The following YME1L1 variants were observed in gnomAD, a reference collection of about 807,000 sequenced individuals.
YME1L1 encodes YME1 like 1 ATPase, also known as ATP-dependent zinc metalloprotease YME1L1.
Under a neutral mutation model 90.4 loss-of-function variants are expected in YME1L1, and 39 were observed. The ratio of observed to expected loss-of-function variants is 0.43; its 90% confidence interval spans 0.33 to 0.56. The LOEUF is 0.56. Ranked by LOEUF, YME1L1 falls within the 20% of genes least tolerant of loss-of-function variation. The pLI is 0.03. For synonymous variants in YME1L1, 284 were observed against 287.3 expected (o/e 0.99, Z 0.12); for missense variants, 617 against 868.4 (o/e 0.71, Z 3.64).
At chr10:27,148,156 G>A (rs1262591149) in intron 2 of YME1L1, among the ~76,000 whole-genome samples, 1 of 132,706 alleles carries the variant, frequency 7.5e-6, no homozygotes, top group Non-Finnish European at 1.5e-5. Flanking sequence ...GTAAAAACAG[G>A]TGTTTTTTTT....
Position 27,111,816 on chromosome 10 carries a change from T to C in YME1L1, c.*161A>G. On this transcript the variant is annotated 3_prime_UTR_variant, in exon 19 of 19. Transcript: ENST00000376016. ...TTTGCAATAGGTGTCATAATGAGAA[T>C]AACCCAAACTGGATAAATGTGACAA... is the stretch of plus-strand genomic sequence containing the variant. The C allele has an allele frequency of 2.1e-6, 2 of 958,142 alleles. No individual in the cohort carries two copies. The highest frequency in any genetic ancestry group is 2.7e-5 in the South Asian group (2 of 74,612). 59.4% of individuals were successfully genotyped at this position (958,142 alleles called of 1,614,324 possible).
At chr10:27,122,647 A>C (rs1458579001) in intron 11 of YME1L1, among the ~76,000 whole-genome samples, 194 bp downstream of exon 11, 2 of 152,196 alleles carry the variant, frequency 1.3e-5, no homozygotes, top group African/African-American at 4.8e-5. Context: ...AGTAATGAAA[A>C]CAATACAATA....
At chr10:27,121,516 C>T (rs979910265) in intron 11 of YME1L1, 68 bp from the exon 12 acceptor site, 3 of 1,157,238 alleles carry the variant, frequency 2.6e-6, no homozygotes, top group South Asian at 2.5e-5. Flanking sequence ...AAATGCTCTA[C>T]ACAAAACTGG....
At chr10:27,153,269 T>C (rs1380731889) in intron 1 of YME1L1, 5 of 470,574 alleles carry the variant, frequency 1.1e-5, no homozygotes, top group South Asian at 3.1e-5. Flanking sequence ...CTGCTTCAGT[T>C]TGTTAGCCAG....
At chr10:27,133,373 T>C (rs565856439) in intron 7 of YME1L1, among the ~76,000 whole-genome samples, 116 of 152,292 alleles carry the variant, frequency 7.6e-4, no homozygotes, top group Admixed American at 1.3e-3. Context: ...AATGAGTAAA[T>C]TGAGCAATTT....
At chr10:27,118,711 T>C (rs902903784) in intron 14 of YME1L1, among the ~76,000 whole-genome samples, 2 of 152,226 alleles carry the variant, frequency 1.3e-5, no homozygotes, top group Non-Finnish European at 2.9e-5. Flanking sequence ...TATTTCTATT[T>C]CTATAAAATA....
chr10:27,144,709 G>A (rs1236778748), intron 3 of YME1L1, among the ~76,000 whole-genome samples: 2 of 151,866 alleles, frequency 1.3e-5, no homozygotes, highest in Non-Finnish European at 2.9e-5. Context: ...AACAAACAAC[G>A]CCCCCCCATT....
intron 4 of YME1L1, 75 bp from the exon 5 acceptor site, chr10:27,136,460 T>C: frequency 8.3e-7 from 1 of 1,198,140 alleles, no homozygotes; most frequent in Non-Finnish European, 1.2e-6. Context: ...TTCTAAAGTC[T>C]GACACCCTAC....
chr10:27,145,652 T>C lies in YME1L1; in HGVS notation c.169-62A>G, dbSNP rs1588614439. 1.7e-5 allele frequency: 23 copies of C among 1,344,602 alleles called. 1 individual carries two copies. In the South Asian group the frequency reaches 3.5e-4, roughly 20 times the overall value. The allele number at this position is 1,344,602 out of a possible 1,614,324, so 83.3% of individuals were successfully genotyped here. A position where few individuals can be genotyped will look rare whatever the true frequency, so the allele number is the denominator to read the frequency against. The stretch of plus-strand genomic sequence containing the variant: ...TTATCAAGATATTTAACCTAAGGAG[T>C]ACATATTATCAGTTAAAACAATCAG... On this transcript the variant is annotated intron_variant, in intron 2 of 18. Coordinates refer to ENST00000376016, the MANE Select transcript of YME1L1 (RefSeq NM_014263.4).
intron 1 of YME1L1, among the ~76,000 whole-genome samples, chr10:27,149,769 TTA>T (rs1491532972): frequency 2.6e-4 from 17 of 66,454 alleles, no homozygotes; most frequent in Admixed American, 3.0e-4. Context: ...CATCCAACAT[TTA>T]AAAAAAAAAA....
chr10:27,151,452 C>T lies in YME1L1; in HGVS notation c.34-2412G>A, dbSNP rs191113453. ...TGGACTAACGCCATTATTGTGGGTA[C>T]AGACCATTTAATAGATGAAGACAAC... On this transcript the variant is annotated intron_variant, in intron 1 of 18. Transcript: ENST00000376016. Among the ~76,000 whole-genome samples the T allele has an allele frequency of 2.2e-4, 33 of 152,326 alleles. No individual in the cohort carries two copies. In the Middle Eastern group the frequency reaches 0.01, roughly 47 times the overall value.
chr10:27,136,217 C>T, intron 5 of YME1L1, 59 bp downstream of exon 5: 1 of 1,344,718 alleles, frequency 7.4e-7, no homozygotes, highest in Non-Finnish European at 1.1e-6. Context: ...GATATTGAAG[C>T]TCCTCACTCT....
chr10:27,117,770 T>G (rs200151318), intron 14 of YME1L1, 43 bp from the exon 15 acceptor site: 1 of 1,594,938 alleles, frequency 6.3e-7, no homozygotes, highest in Non-Finnish European at 8.6e-7. Flanking sequence ...TAGAAAGGTA[T>G]ATTTAAATCA....
At chr10:27,113,393 G>A (rs976712012) in intron 18 of YME1L1, among the ~76,000 whole-genome samples, 8 of 151,652 alleles carry the variant, frequency 5.3e-5, no homozygotes, top group South Asian at 2.1e-4. Context: ...AAATTGGGCC[G>A]GGCGCAGTGG....
At chr10:27,141,601 G>GAC (rs60043957) in intron 4 of YME1L1, among the ~76,000 whole-genome samples, 5,119 of 141,476 alleles carry the variant, frequency 0.036, 161 homozygotes, top group East Asian at 0.16. Flanking sequence ...GATGTCCCTC[G>GAC]ACACACACAC....
At chr10:27,152,816 G>A (rs2057237779) in intron 1 of YME1L1, among the ~76,000 whole-genome samples, 1 of 151,848 alleles carries the variant, frequency 6.6e-6, no homozygotes, top group East Asian at 1.9e-4. Flanking sequence ...TTAATTGGGG[G>A]GTGGGTGGGT....
Position 27,120,643 on chromosome 10 carries a change from G to A in YME1L1, c.1299-96C>T, listed in dbSNP as rs573102055. ...CTAATGACGTGACTGGGAAGCCAAT[G>A]GCAGCCAGAGCGCAGATGGAGTTTT... On this transcript the variant is annotated intron_variant, in intron 12 of 18. Transcript: ENST00000376016. The A allele has an allele frequency of 5.7e-6, 5 of 869,790 alleles. No homozygotes were observed. In the Admixed American group the frequency reaches 7.9e-5, roughly 14 times the overall value. 53.9% of individuals were successfully genotyped at this position (869,790 alleles called of 1,614,324 possible). A position where few individuals can be genotyped will look rare whatever the true frequency, so the allele number is the denominator to read the frequency against.
chr10:27,153,336 G>A (rs1056377057), intron 1 of YME1L1: 4 of 456,402 alleles, frequency 8.8e-6, no homozygotes, highest in East Asian at 7.0e-5. Flanking sequence ...GTTACACAAA[G>A]GAACACAATC....
chr10:27,127,787 C>G (rs1267725456), intron 8 of YME1L1, among the ~76,000 whole-genome samples: 1 of 152,082 alleles, frequency 6.6e-6, no homozygotes, highest in Non-Finnish European at 1.5e-5. Flanking sequence ...GTACTTATAA[C>G]ACAGACAGTT....
Sources: allele counts gnomAD v4.1 joint callset (sites outside exome capture counted in the v4.1 genomes callset), GRCh38; gene constraint gnomAD v4.1.1; transcripts MANE v1.5; gene names NCBI Gene and HGNC (gene_info 2026-07-23, HGNC 2026-07-21).